RPH3A: variants seen among roughly 807,000 people sequenced by gnomAD.
RPH3A encodes the protein rabphilin 3A.
Under a neutral mutation model 102.2 loss-of-function variants are expected in RPH3A, and 48 were observed. The ratio of observed to expected loss-of-function variants is 0.47; its 90% CI spans 0.37 to 0.60. RPH3A has a LOEUF of 0.60. RPH3A is among the 20% of genes least tolerant of loss of function. RPH3A has a pLI of 0.00. For synonymous variants in RPH3A, 310 were observed against 324.3 expected (o/e 0.96, Z 0.47); for missense variants, 781 against 910.1 (o/e 0.86, Z 1.83).
chr12:112,896,627 C>T, intron 21 of RPH3A, 23 bp from the exon 22 acceptor site: 1 of 1,613,868 alleles, frequency 6.2e-7, no homozygotes, highest in Non-Finnish European at 8.5e-7. Context: ...CCACCTGCTC[C>T]TATCTTCCCA....
At chr12:112,843,630 A>G (rs1380809153) in intron 4 of RPH3A, among the ~76,000 whole-genome samples, 1 of 152,200 alleles carries the variant, frequency 6.6e-6, no homozygotes, top group Non-Finnish European at 1.5e-5. Context: ...CTGGCTCCTG[A>G]CAAGATTGTA....
chr12:112,656,718 C>T (rs151018961), intron 1 of RPH3A, among the ~76,000 whole-genome samples: 6 of 152,154 alleles, frequency 3.9e-5, no homozygotes, highest in Non-Finnish European at 7.4e-5. Flanking sequence ...TAATGGCTTC[C>T]AGTTCCACCC....
At chr12:112,890,754 C>T (rs941416260) in intron 18 of RPH3A, 95 bp from the exon 19 acceptor site, 148 of 1,391,282 alleles carry the variant, frequency 1.1e-4, no homozygotes, top group Non-Finnish European at 1.3e-4. Flanking sequence ...GGCCAAGCTT[C>T]GCCTGCCCTT....
intron 1 of RPH3A, chr12:112,717,972 T>G (rs1204224341): frequency 3.3e-5 from 5 of 152,214 alleles, no homozygotes; most frequent in African/African-American, 1.2e-4. Context: ...ATTTTGACCC[T>G]GCTTTGAAGC....
intron 1 of RPH3A, among the ~76,000 whole-genome samples, chr12:112,761,803 C>A (rs1234955046): frequency 6.6e-6 from 1 of 152,202 alleles, no homozygotes; most frequent in African/African-American, 2.4e-5. Flanking sequence ...AGGGGCAAAA[C>A]CACAGACAGT....
chr12:112,883,634 CA>C (rs2042961391), intron 16 of RPH3A, among the ~76,000 whole-genome samples: 1 of 151,092 alleles, frequency 6.6e-6, no homozygotes, highest in African/African-American at 2.4e-5. Flanking sequence ...TCTGTTCGTT[CA>C]GGGGGTGTGT....
At chr12:112,794,653 G>A (rs556230187) in intron 2 of RPH3A, among the ~76,000 whole-genome samples, 23 of 152,264 alleles carry the variant, frequency 1.5e-4, no homozygotes, top group Admixed American at 6.5e-4. Flanking sequence ...GGGGGTTAGT[G>A]GATCCTCAAT....
At chr12:112,876,063 A>G (rs1418161615) in intron 12 of RPH3A, among the ~76,000 whole-genome samples, 1 of 152,192 alleles carries the variant, frequency 6.6e-6, no homozygotes, top group African/African-American at 2.4e-5. Context: ...GAATAATACT[A>G]GGACCTACCT....
intron 2 of RPH3A, among the ~76,000 whole-genome samples, chr12:112,811,646 G>C (rs767110278): frequency 1.3e-5 from 2 of 152,094 alleles, no homozygotes; most frequent in Non-Finnish European, 2.9e-5. Context: ...AAACATTTTG[G>C]TCACTCTGTG....
intron 2 of RPH3A, among the ~76,000 whole-genome samples, chr12:112,799,675 C>G (rs1290101065): frequency 6.6e-6 from 1 of 152,176 alleles, no homozygotes; most frequent in African/African-American, 2.4e-5. Flanking sequence ...AGGAGACTTA[C>G]TCCCTTCACC....
chr12:112,764,761 C>T (rs2040876904), intron 1 of RPH3A, among the ~76,000 whole-genome samples: 1 of 152,092 alleles, frequency 6.6e-6, no homozygotes, highest in South Asian at 2.1e-4. Context: ...GGCCCCTGGG[C>T]TCTGGCATTA....
At chr12:112,712,925 C>CTTCTTCCTCTTCT (rs1565856803) in intron 1 of RPH3A, among the ~76,000 whole-genome samples, 11 of 94,572 alleles carry the variant, frequency 1.2e-4, no homozygotes, top group Admixed American at 7.5e-4. Context: ...CTTCTTCTTC[C>CTTCTTCCTCTTCT]TCTTCTTCTT....
chr12:112,762,715 C>T (rs2040861968), intron 1 of RPH3A, among the ~76,000 whole-genome samples: 1 of 152,112 alleles, frequency 6.6e-6, no homozygotes, highest in African/African-American at 2.4e-5. Flanking sequence ...TGGCTTCATT[C>T]TTAAGTATAG....
At position 112,883,277 on chromosome 12, in the gene RPH3A, C is replaced by T. The variant is rs1266174918; in HGVS notation, c.1327-16C>T. 2 of 1,605,512 alleles carry T rather than the reference C, an allele frequency of 1.2e-6. No individual in the cohort carries two copies. The highest frequency in any genetic ancestry group is 1.7e-6 in the Non-Finnish European group (2 of 1,172,884). On this transcript the variant is annotated splice_polypyrimidine_tract_variant and intron_variant, in intron 15 of 21. Transcript: ENST00000389385. Reference sequence around the variant, plus strand: ...CACTGAGGTAGGTGTCTCTGTCCATCTCTCTCGGGCTCTAGTCCAACAAGC... The same window carrying T: ...CACTGAGGTAGGTGTCTCTGTCCATTTCTCTCGGGCTCTAGTCCAACAAGC...
At chr12:112,687,879 C>T (rs2040277988) in intron 1 of RPH3A, among the ~76,000 whole-genome samples, 1 of 152,182 alleles carries the variant, frequency 6.6e-6, no homozygotes. Context: ...TTTCTTTGCT[C>T]ATCCAAAACT....
chr12:112,880,422 AG>A (rs2042888639), intron 14 of RPH3A, among the ~76,000 whole-genome samples: 1 of 152,182 alleles, frequency 6.6e-6, no homozygotes, highest in African/African-American at 2.4e-5. Context: ...GAAACTTCTG[AG>A]GTAGGGATTC....
chr12:112,776,474 G>A (rs2040966242), intron 1 of RPH3A, among the ~76,000 whole-genome samples: 1 of 152,140 alleles, frequency 6.6e-6, no homozygotes, highest in Non-Finnish European at 1.5e-5. Context: ...TGGTTAGGAA[G>A]CCTTGGTTCT....
intron 4 of RPH3A, chr12:112,837,851 G>C (rs1282075911): frequency 4.4e-6 from 2 of 454,024 alleles, no homozygotes; most frequent in South Asian, 3.1e-5. Flanking sequence ...TCATCCCCAG[G>C]CTCCTCCCCT....
At chr12:112,699,046 A>G (rs1182939354) in intron 1 of RPH3A, among the ~76,000 whole-genome samples, 2 of 151,762 alleles carry the variant, frequency 1.3e-5, no homozygotes, top group Non-Finnish European at 2.9e-5. Context: ...TCAGCCTACC[A>G]GGTAGCTGGG....
Sources: allele counts gnomAD v4.1 joint callset (sites outside exome capture counted in the v4.1 genomes callset), GRCh38; gene constraint gnomAD v4.1.1; transcripts MANE v1.5; gene names NCBI Gene and HGNC (gene_info 2026-07-23, HGNC 2026-07-21).